The following COL17A1 variants were observed in gnomAD, a reference collection of about 807,000 sequenced individuals.
COL17A1 encodes collagen alpha-1(XVII) chain.
A neutral mutation model predicts 218.4 loss-of-function variants in COL17A1; 181 were observed. That is an observed-to-expected ratio of 0.83 (90% CI 0.73 to 0.94). COL17A1 has a LOEUF of 0.94. COL17A1 is among the 40% of genes least tolerant of loss of function. The pLI is 0.00. For missense variants in COL17A1, 1,924 were observed against 1,945.9 expected (o/e 0.99, Z 0.21); for synonymous variants, 721 against 731.0 (o/e 0.99, Z 0.22).
intron 41 of COL17A1, among the ~76,000 whole-genome samples, 162 bp from the exon 42 acceptor site, chr10:104,039,802 G>GCACA (rs903531456): frequency 6.8e-6 from 1 of 146,806 alleles, no homozygotes; most frequent in African/African-American, 2.6e-5. Flanking sequence ...ACACGCACAC[G>GCACA]CACACTTGCA....
In COL17A1 at chr10:104,032,959, G is replaced by A. The variant is rs146841330; in HGVS notation, c.4304C>T (p.Ala1435Val). Residue 1435 changes from alanine (A) to valine (V), a missense_variant, in exon 54 of 56, where the codon GCC (alanine) becomes GTC (valine). Transcript: ENST00000648076. ...TTTTTGCCCAGGGGGTCCTTGAATG[G>A]CTCCATAAGCTGCAAAAGCAAGGAA... ...DLMDFFQTYG[A>V]IQGPPGQKGE... 5,810 of 1,613,864 alleles carry A rather than the reference G, an allele frequency of 3.6e-3. 42 individuals are homozygous for A. Among genetic ancestry groups the A allele is most frequent in the Middle Eastern group, 9.7e-3 (59 of 6,062 alleles).
At chr10:104,056,922 G>T in intron 17 of COL17A1, 53 bp downstream of exon 17, 1 of 1,549,516 alleles carries the variant, frequency 6.5e-7, no homozygotes, top group South Asian at 1.2e-5. Flanking sequence ...GACAGGCAGT[G>T]GGGCTGGCCT....
chr10:104,056,597 A>G (rs2086530447), intron 17 of COL17A1, among the ~76,000 whole-genome samples: 1 of 148,008 alleles, frequency 6.8e-6, no homozygotes, highest in African/African-American at 2.5e-5. Context: ...AAAAAAAGAA[A>G]GAAAAAGAAA....
At chr10:104,073,311 G>A in intron 6 of COL17A1, 66 bp from the exon 7 acceptor site, 2 of 1,424,104 alleles carry the variant, frequency 1.4e-6, no homozygotes, top group Non-Finnish European at 2.0e-6. Flanking sequence ...CTTTTGACAT[G>A]GAGGCAGATA....
In COL17A1 at chr10:104,077,537, C is replaced by T. The variant is rs1260884600; in HGVS notation, c.98-11G>A. 1.2e-6 allele frequency: 2 copies of T among 1,604,496 alleles called. No individual in the cohort carries two copies. Among genetic ancestry groups the T allele is most frequent in the Non-Finnish European group, 1.7e-6 (2 of 1,175,028 alleles). ...TGCTGGTCCCGCCTTCTGCCAGGAA[C>T]AAAAGCAGGTGATAATTTCAGGGTG... On this transcript the variant is annotated splice_polypyrimidine_tract_variant and intron_variant, in intron 3 of 55. Transcript: ENST00000648076.
At chr10:104,051,454 C>G in intron 25 of COL17A1, 27 bp downstream of exon 25, 1 of 1,613,850 alleles carries the variant, frequency 6.2e-7, no homozygotes, top group Non-Finnish European at 8.5e-7. Context: ...GGAAACAGAA[C>G]CTATTTACAA....
At chr10:104,035,191 C>G in intron 50 of COL17A1, 72 bp downstream of exon 50, 1 of 1,324,284 alleles carries the variant, frequency 7.6e-7, no homozygotes, top group South Asian at 1.2e-5. Flanking sequence ...ACTGCCCTTG[C>G]TAAAGCCCAT....
In COL17A1 at chr10:104,032,002, A is replaced by G. The variant is rs1488876443; in HGVS notation, c.*233T>C. On this transcript the variant is annotated 3_prime_UTR_variant, in exon 56 of 56. Transcript: ENST00000648076. ...AGCAGAGAAGTAAGTCTCATTCTAA[A>G]ACATTGCAACTACTGTTAGAGTCCA... The G allele has an allele frequency of 1.7e-6, 1 of 598,186 alleles. No individual in the cohort carries two copies. The highest frequency in any genetic ancestry group is 3.0e-6 in the Non-Finnish European group (1 of 335,680). 37.1% of individuals were successfully genotyped at this position (598,186 alleles called of 1,614,324 possible).
Position 104,064,443 on chromosome 10 carries a change from C to A in COL17A1, c.761G>T (p.Gly254Val), listed in dbSNP as rs755718830. 2 of 1,614,104 alleles carry A rather than the reference C, an allele frequency of 1.2e-6. No homozygotes were observed. Among genetic ancestry groups the A allele is most frequent in the Non-Finnish European group, 1.7e-6 (2 of 1,180,030 alleles). Residue 254 changes from glycine to valine, a missense_variant, in exon 10 of 56, where the codon GGA becomes GTA. Gly to Val is a moderately radical substitution (Grantham distance 109). Coordinates refer to ENST00000648076, the MANE Select transcript of COL17A1 (RefSeq NM_000494.4). The stretch of plus-strand genomic sequence containing the variant: ...GTGGGCTGCCCGCCAGGTACCTGAT[C>A]CCGCAGAGTAGGCATTGGTGTTGAG... ...SLLNTNAYSA[G>V]SVFGVPNNMA...
At chr10:104,033,858 C>T in intron 52 of COL17A1, 87 bp downstream of exon 52, 1 of 1,590,426 alleles carries the variant, frequency 6.3e-7, no homozygotes, top group Non-Finnish European at 8.6e-7. Context: ...TCTTCACAGC[C>T]TGGGGGTTCC....
chr10:104,034,595 T>TG, intron 51 of COL17A1, 26 bp downstream of exon 51: 1 of 1,605,906 alleles, frequency 6.2e-7, no homozygotes, highest in Non-Finnish European at 8.5e-7. Flanking sequence ...GGGTGCCTGG[T>TG]GGGGCATCAC....
At chr10:104,060,038 C>T in intron 14 of COL17A1, 81 bp downstream of exon 14, 1 of 1,602,588 alleles carries the variant, frequency 6.2e-7, no homozygotes, top group Non-Finnish European at 8.5e-7. Context: ...CATAGGGTCC[C>T]AAACCACCTT....
chr10:104,072,975 T>G (rs75903741), intron 7 of COL17A1, among the ~76,000 whole-genome samples: 1 of 152,160 alleles, frequency 6.6e-6, no homozygotes, highest in Non-Finnish European at 1.5e-5. Flanking sequence ...ATTGTTATCA[T>G]GTGTTTTGCT....
intron 1 of COL17A1, among the ~76,000 whole-genome samples, chr10:104,082,486 C>G (rs190695325): frequency 6.6e-6 from 1 of 152,160 alleles, no homozygotes; most frequent in African/African-American, 2.4e-5. Flanking sequence ...CCTTTAAATG[C>G]GCCTGGCAGT....
At chr10:104,082,677 G>A (rs557461056) in intron 1 of COL17A1, among the ~76,000 whole-genome samples, 1 of 152,194 alleles carries the variant, frequency 6.6e-6, no homozygotes, top group African/African-American at 2.4e-5. Flanking sequence ...GGAAGGGTTC[G>A]ACTTGCAGCC....
At chr10:104,033,472 A>T in intron 52 of COL17A1, 97 bp from the exon 53 acceptor site, 1 of 1,429,866 alleles carries the variant, frequency 7.0e-7, no homozygotes, top group East Asian at 2.4e-5. Flanking sequence ...CTCCCAAAGC[A>T]GTTGAACTAG....
chr10:104,055,006 A>G lies in COL17A1; in HGVS notation c.1719T>C (p.Gly573=). ...GNLRGSPGPK[G]DMGSPGPKGD... ...CTTTAGGGCCTGGACTTCCCATGTCACCTGAAACCAGAAAGATATGAAAAC... is the reference window on the plus strand; with the variant it reads ...CTTTAGGGCCTGGACTTCCCATGTCGCCTGAAACCAGAAAGATATGAAAAC... Residue 573 remains glycine, a splice_region_variant and synonymous_variant, in exon 20 of 56, where the codon GGT becomes GGC. Coordinates refer to ENST00000648076, the MANE Select transcript of COL17A1 (RefSeq NM_000494.4). The G allele has an allele frequency of 1.2e-6, 2 of 1,614,170 alleles. No individual in the cohort carries two copies. Among genetic ancestry groups the G allele is most frequent in the Admixed American group, 3.3e-5 (2 of 60,028 alleles).
Position 104,031,897 on chromosome 10 carries a change from C to T in COL17A1, c.*338G>A, listed in dbSNP as rs895189568. The stretch of plus-strand genomic sequence containing the variant: ...ATATTTAGGTAAAGCTCTAAGACTC[C>T]TGAGCCAACTTTTATGTAACTGGCT... On this transcript the variant is annotated 3_prime_UTR_variant, in exon 56 of 56. Transcript: ENST00000648076. The T allele has an allele frequency of 8.7e-5, 35 of 402,018 alleles. No homozygotes were observed. The highest frequency in any genetic ancestry group is 4.2e-5 in the Non-Finnish European group (9 of 215,860). The allele number at this position is 402,018 out of a possible 1,614,324, so 24.9% of individuals were successfully genotyped here.
At chr10:104,032,991 G>A (rs753279573) in intron 53 of COL17A1, 23 bp from the exon 54 acceptor site, 27 of 1,610,906 alleles carry the variant, frequency 1.7e-5, no homozygotes, top group Non-Finnish European at 2.1e-5. Context: ...GGAAACACTG[G>A]CCTTAGAGTC....
Sources: allele counts gnomAD v4.1 joint callset (sites outside exome capture counted in the v4.1 genomes callset), GRCh38; gene constraint gnomAD v4.1.1; transcripts MANE v1.5; gene names NCBI Gene and HGNC (gene_info 2026-07-23, HGNC 2026-07-21).